UMODL1: variants seen among roughly 807,000 people sequenced by gnomAD.
UMODL1 encodes uromodulin like 1.
In UMODL1, 128 loss-of-function variants were observed where a neutral mutation model predicts 136.3. That is an observed-to-expected ratio of 0.94 (90% CI 0.81 to 1.09). The LOEUF is 1.09. Ranked by LOEUF, UMODL1 falls within the 50% of genes least tolerant of loss-of-function variation. UMODL1 has a pLI of 0.00. For missense variants in UMODL1, 1,766 were observed against 1,725.6 expected, an observed-to-expected ratio of 1.02 and a Z score of -0.41; for synonymous variants, 721 against 720.0, an observed-to-expected ratio of 1.00 and a Z score of -0.02.
At position 42,066,133 on chromosome 21, in the gene UMODL1, A is replaced by C. The variant is rs564354699; in HGVS notation, c.-141+2919A>C. ...TTGGAAGAGGCCCTGGCAAGCACCC[A>C]GGCCAGTCTTCTCTGGTAAGTGCCC... On this transcript the variant is annotated intron_variant, in intron 1 of 22. Transcript: ENST00000400424. 1.3e-4 allele frequency among the ~76,000 whole-genome samples: 20 copies of C among 152,362 alleles called. No individual in the cohort carries two copies. The South Asian group carries it at 3.3e-3, about 25-fold the overall frequency.
At chr21:42,128,412 G>A (rs2067090509) in intron 20 of UMODL1, among the ~76,000 whole-genome samples, 1 of 152,214 alleles carries the variant, frequency 6.6e-6, no homozygotes, top group South Asian at 2.1e-4. Context: ...GTCTGAGGCA[G>A]GGGACAGCTT....
At chr21:42,091,537 C>T (rs1286270409) in intron 6 of UMODL1, among the ~76,000 whole-genome samples, 1 of 152,102 alleles carries the variant, frequency 6.6e-6, no homozygotes, top group Non-Finnish European at 1.5e-5. Flanking sequence ...GTGCAGGAGT[C>T]TAGGGTGTGG....
intron 22 of UMODL1, among the ~76,000 whole-genome samples, chr21:42,140,076 C>G (rs2067258785): frequency 6.6e-6 from 1 of 152,126 alleles, no homozygotes; most frequent in South Asian, 2.1e-4. Flanking sequence ...AAGATTGGAG[C>G]CAGTGTCTAC....
At position 42,085,452 on chromosome 21, in the gene UMODL1, G is replaced by A. The variant is rs1193921157; in HGVS notation, c.603+40G>A. On this transcript the variant is annotated intron_variant, in intron 4 of 22. Coordinates refer to ENST00000408910, the MANE Select transcript of UMODL1 (RefSeq NM_001004416.3). This position sits in a 1 kb window ranked among gnomAD's most constrained non-coding sequence, Gnocchi z 4.5. ...CGGGGGCTGCCTGCACCCTCCTTGT[G>A]GCAGCTGCTCAGGCAGACCCAGGTA... 1.2e-6 allele frequency: 2 copies of A among 1,612,676 alleles called. No homozygotes were observed. The highest frequency in any genetic ancestry group is 1.7e-6 in the Non-Finnish European group (2 of 1,179,636).
intron 14 of UMODL1, among the ~76,000 whole-genome samples, chr21:42,117,356 G>A (rs1471292662): frequency 6.6e-6 from 1 of 152,180 alleles, no homozygotes; most frequent in African/African-American, 2.4e-5. Flanking sequence ...GGCGGCTCCC[G>A]CCTTCTGTCT....
intron 4 of UMODL1, among the ~76,000 whole-genome samples, chr21:42,086,110 C>T (rs769478556): frequency 1.3e-5 from 2 of 152,154 alleles, no homozygotes; most frequent in South Asian, 2.1e-4. Flanking sequence ...CAGGGCGCTG[C>T]GTGTCCCCAA....
chr21:42,104,102 C>A lies in UMODL1; in HGVS notation c.1519+15C>A, dbSNP rs564748648. 2.6e-5 allele frequency: 42 copies of A among 1,595,980 alleles called. No homozygotes were observed. In the South Asian group the frequency reaches 4.1e-4, roughly 16 times the overall value. On this transcript the variant is annotated intron_variant, in intron 9 of 22. Coordinates refer to ENST00000408910, the MANE Select transcript of UMODL1 (RefSeq NM_001004416.3). ...ACGCGTGCAAGGTATGGCCCAGCCA[C>A]CCGCCCTGCTGCCTGGTGTCCTCCA... is the stretch of plus-strand genomic sequence containing the variant.
intron 16 of UMODL1, among the ~76,000 whole-genome samples, chr21:42,121,570 C>T (rs897611029): frequency 6.6e-6 from 1 of 152,130 alleles, no homozygotes; most frequent in Non-Finnish European, 1.5e-5. Context: ...AACACGCAGC[C>T]GTGGGACACG....
intron 4 of UMODL1, among the ~76,000 whole-genome samples, chr21:42,086,129 C>T (rs755589765): frequency 2.2e-4 from 33 of 152,318 alleles, no homozygotes; most frequent in African/African-American, 7.5e-4. Flanking sequence ...AAGGCTGCCG[C>T]GTGTCCCCAA....
At chr21:42,138,032 G>A (rs917233164) in intron 22 of UMODL1, among the ~76,000 whole-genome samples, 1 of 152,078 alleles carries the variant, frequency 6.6e-6, no homozygotes. Context: ...CCACTGGACT[G>A]GCTCCACGAT....
Position 42,111,126 on chromosome 21 carries a change from C to T in UMODL1, c.1899+5C>T, listed in dbSNP as rs2066817746. On this transcript the variant is annotated splice_donor_5th_base_variant and intron_variant, in intron 11 of 22. Transcript: ENST00000408910. ...GGAAAAGGCGTGGAGCAGGAGGTGC[C>T]CAGCACTGCCCCGGGTCTGGGGATG... 6.2e-7 allele frequency: 1 copy of T among 1,604,142 alleles called. No individual in the cohort carries two copies. Among genetic ancestry groups the T allele is most frequent in the South Asian group, 1.1e-5 (1 of 89,656 alleles).
intron 14 of UMODL1, among the ~76,000 whole-genome samples, chr21:42,116,576 T>A (rs1010341437): frequency 4.6e-5 from 7 of 152,064 alleles, no homozygotes; most frequent in African/African-American, 1.7e-4. Flanking sequence ...GAAACCTGTT[T>A]TTCAGTTGTG....
At chr21:42,069,269 A>ACACACACACACACACACACAC (rs1171449440), upstream of UMODL1, among the ~76,000 whole-genome samples, 4 of 46,614 alleles carry the variant, frequency 8.6e-5, no homozygotes, top group Non-Finnish European at 1.2e-4. Context: ...CACACACACA[A>ACACACACACACACACACACAC]ACAGCAGGGG....
chr21:42,128,579 G>A (rs35665620), intron 20 of UMODL1, among the ~76,000 whole-genome samples: 6,060 of 152,276 alleles, frequency 0.04, 235 homozygotes, highest in East Asian at 0.23. Context: ...GGCTGATTCT[G>A]TTCATGTCTG....
chr21:42,102,299 G>T, intron 8 of UMODL1, 21 bp downstream of exon 8: 5 of 1,557,922 alleles, frequency 3.2e-6, no homozygotes, highest in Non-Finnish European at 4.4e-6. Flanking sequence ...AATGCAGACA[G>T]AAATCTTTTC....
chr21:42,103,249 GT>G, intron 8 of UMODL1: 1 of 220,208 alleles, frequency 4.5e-6, no homozygotes, highest in South Asian at 7.7e-5. Context: ...GACCCACAGA[GT>G]GTTGCTTCCC....
At chr21:42,126,968 C>T in intron 18 of UMODL1, 38 bp from the exon 19 acceptor site, 2 of 1,554,154 alleles carry the variant, frequency 1.3e-6, no homozygotes, top group Non-Finnish European at 1.8e-6. Context: ...TAATGCGCCT[C>T]CTGAAACATG....
At chr21:42,086,071 A>G (rs1175420098) in intron 4 of UMODL1, among the ~76,000 whole-genome samples, 1 of 152,138 alleles carries the variant, frequency 6.6e-6, no homozygotes, top group East Asian at 1.9e-4. Context: ...AGCTCAGGCC[A>G]CCATCAGTCT....
At chr21:42,075,661 T>C in intron 1 of UMODL1, among the ~76,000 whole-genome samples, 1 of 152,228 alleles carries the variant, frequency 6.6e-6, no homozygotes, top group East Asian at 1.9e-4. Flanking sequence ...TAAGCATTGA[T>C]TCCAGCGCTG....
Sources: gnomAD v4.1 joint callset for allele counts (sites outside exome capture counted in the v4.1 genomes callset) on GRCh38, gnomAD v4.1.1 for gene constraint, Gnocchi (gnomAD v3.1) non-coding constraint, MANE v1.5 for transcripts, NCBI Gene and HGNC (gene_info 2026-07-23, HGNC 2026-07-21) for gene names.